The following TSPAN18 variants were observed in gnomAD, a reference collection of about 807,000 sequenced individuals.
TSPAN18 encodes tetraspanin 18.
TSPAN18 carries 14 observed loss-of-function variants against 27.3 expected under a neutral mutation model. That is an observed-to-expected ratio of 0.51 (90% CI 0.34 to 0.80). The LOEUF (loss-of-function observed/expected upper bound fraction) is 0.80. Among genes scored for constraint, TSPAN18 ranks in the 30% least tolerant of loss-of-function variants. The pLI, the probability that TSPAN18 is intolerant of heterozygous loss-of-function variation, is 0.01. For missense variants in TSPAN18, 268 were observed against 323.9 expected (o/e 0.83, Z 1.32); for synonymous variants, 143 against 136.5 (o/e 1.05, Z -0.33).
intron 1 of TSPAN18, among the ~76,000 whole-genome samples, chr11:44,761,424 A>G (rs1231462429): frequency 1.3e-5 from 2 of 152,204 alleles, no homozygotes; most frequent in Admixed American, 6.5e-5. Flanking sequence ...TCTCATGGGC[A>G]AGGGGGAAAA....
chr11:44,861,793 T>TCACACACA lies in TSPAN18; in HGVS notation c.-11+1359_-11+1366dup, dbSNP rs56816197. Among the ~76,000 whole-genome samples, 1,122 of 132,110 alleles carry TCACACACA rather than the reference T, an allele frequency of 8.5e-3. 12 individuals carry two copies. Among genetic ancestry groups the TCACACACA allele is most frequent in the Non-Finnish European group, 0.011 (698 of 62,810 alleles). 86.7% of individuals were successfully genotyped at this position (132,110 alleles called of 152,430 possible). On this transcript the variant is annotated intron_variant, in intron 3 of 9. Transcript: ENST00000520358. ...AATCTAGTATCTGAAAGCCCAAATT[T>TCACACACA]CACACACACACACACACACACACAC...
chr11:44,863,806 A>G (rs1393284601), intron 3 of TSPAN18, among the ~76,000 whole-genome samples: 1 of 152,132 alleles, frequency 6.6e-6, no homozygotes, highest in Non-Finnish European at 1.5e-5. Flanking sequence ...CACTTCTCGT[A>G]AGACTGTGTG....
intron 2 of TSPAN18, among the ~76,000 whole-genome samples, chr11:44,786,350 GA>G (rs1442541877): frequency 6.6e-6 from 1 of 152,222 alleles, no homozygotes; most frequent in East Asian, 1.9e-4. Context: ...GGAGGGGCCA[GA>G]TGGGCTTCTG....
chr11:44,734,396 T>G (rs1854737861), intron 1 of TSPAN18, among the ~76,000 whole-genome samples: 1 of 152,216 alleles, frequency 6.6e-6, no homozygotes. Context: ...TCATCTCTCT[T>G]AGCCTGTCTC....
At chr11:44,739,692 T>C (rs1261899776) in intron 1 of TSPAN18, among the ~76,000 whole-genome samples, 5 of 152,140 alleles carry the variant, frequency 3.3e-5, no homozygotes, top group Admixed American at 2.0e-4. Flanking sequence ...AAGAGTAACA[T>C]AGCAAGAGAA....
intron 3 of TSPAN18, among the ~76,000 whole-genome samples, chr11:44,897,353 C>T (rs1859096797): frequency 6.6e-6 from 1 of 152,174 alleles, no homozygotes; most frequent in African/African-American, 2.4e-5. Flanking sequence ...CAGGGCCCTG[C>T]TGGCACTCTC....
chr11:44,904,047 T>C (rs571989345), intron 3 of TSPAN18, among the ~76,000 whole-genome samples: 12 of 152,218 alleles, frequency 7.9e-5, no homozygotes, highest in Admixed American at 7.9e-4. Flanking sequence ...AAAACCCTGA[T>C]TTCCCATTAC....
chr11:44,867,204 G>A (rs1329460944), intron 3 of TSPAN18, among the ~76,000 whole-genome samples: 1 of 151,916 alleles, frequency 6.6e-6, no homozygotes, highest in Non-Finnish European at 1.5e-5. Context: ...CTTGAGAGTG[G>A]TGAGGCCCGG....
At position 44,932,303 on chromosome 11, in the gene TSPAN18, A is replaced by C. The variant is rs1860611166; in HGVS notation, c.*3125A>C. The C allele has an allele frequency of 6.6e-6, 1 of 152,146 alleles. No homozygotes were observed. Among genetic ancestry groups the C allele is most frequent in the African/African-American group, 2.4e-5 (1 of 41,408 alleles). 9.4% of individuals were successfully genotyped at this position (152,146 alleles called of 1,614,324 possible). A position where few individuals can be genotyped will look rare whatever the true frequency, so the allele number is the denominator to read the frequency against. On this transcript the variant is annotated 3_prime_UTR_variant, in exon 10 of 10. Transcript: ENST00000520358. ...TCCTGTGAGACCCCCCTTTTATATG[A>C]TATATCCAGAGGAAGTTTTGTAATA...
chr11:44,853,560 G>A (rs1302138316), intron 2 of TSPAN18, among the ~76,000 whole-genome samples: 2 of 152,066 alleles, frequency 1.3e-5, no homozygotes, highest in Admixed American at 6.6e-5. Flanking sequence ...AACTGCCATC[G>A]TCTCCGTCTT....
chr11:44,861,421 G>A (rs1403956057), intron 3 of TSPAN18, among the ~76,000 whole-genome samples: 1 of 145,392 alleles, frequency 6.9e-6, no homozygotes, highest in Non-Finnish European at 1.5e-5. Context: ...GCTGAGGGAG[G>A]TGGTCGGGGC....
chr11:44,867,946 T>C (rs891901096), intron 3 of TSPAN18, among the ~76,000 whole-genome samples: 1 of 152,108 alleles, frequency 6.6e-6, no homozygotes, highest in Non-Finnish European at 1.5e-5. Flanking sequence ...ATAAAAGGGT[T>C]TATGCAGAGG....
intron 3 of TSPAN18, among the ~76,000 whole-genome samples, chr11:44,894,019 C>T (rs1590642830): frequency 6.6e-6 from 1 of 152,166 alleles, no homozygotes; most frequent in African/African-American, 2.4e-5. Flanking sequence ...TTGAGTGAGT[C>T]CTTGAGGAAG....
intron 3 of TSPAN18, among the ~76,000 whole-genome samples, chr11:44,872,874 CAGGGTGCCTGTGCTTCAGAGG>C (rs1461953181): frequency 6.6e-6 from 1 of 152,168 alleles, no homozygotes; most frequent in African/African-American, 2.4e-5. Context: ...AGCCTGGGCA[CAGGGTGCCTGTGCTTCAGAGG>C]AGATAGATCC....
At chr11:44,740,864 CA>C (rs1444216443) in intron 1 of TSPAN18, among the ~76,000 whole-genome samples, 1 of 152,226 alleles carries the variant, frequency 6.6e-6, no homozygotes, top group African/African-American at 2.4e-5. Context: ...TGGCTCACTG[CA>C]ACTTCTGCCT....
chr11:44,878,999 C>T (rs1419122009), intron 3 of TSPAN18, among the ~76,000 whole-genome samples: 4 of 152,312 alleles, frequency 2.6e-5, no homozygotes, highest in African/African-American at 4.8e-5. Context: ...TTCACAGCCA[C>T]GCGACCTGCG....
chr11:44,922,086 CCAAAGCCCTCTTGCT>C (rs1283519896), intron 8 of TSPAN18, among the ~76,000 whole-genome samples: 1 of 151,504 alleles, frequency 6.6e-6, no homozygotes, highest in Admixed American at 6.6e-5. Context: ...GTCTTTTCCT[CCAAAGCCCTCTTGCT>C]TAAAGCCCAG....
chr11:44,911,805 T>C lies in TSPAN18; in HGVS notation c.258+1906T>C, dbSNP rs374927234. 6.6e-5 allele frequency among the ~76,000 whole-genome samples: 10 copies of C among 152,138 alleles called. No individual in the cohort carries two copies. In the South Asian group the frequency reaches 1.9e-3, roughly 28 times the overall value. ...CCGCCCCAGGACGTCCTCCCTCCCGTGCTATGCGAGGCAGGACTGAGGCCC... is the reference window on the plus strand; with the variant it reads ...CCGCCCCAGGACGTCCTCCCTCCCGCGCTATGCGAGGCAGGACTGAGGCCC... On this transcript the variant is annotated intron_variant, in intron 5 of 9. Coordinates refer to ENST00000520358, the MANE Select transcript of TSPAN18 (RefSeq NM_130783.5).
chr11:44,735,258 G>C (rs974412557), intron 1 of TSPAN18, among the ~76,000 whole-genome samples: 2 of 152,228 alleles, frequency 1.3e-5, no homozygotes, highest in African/African-American at 4.8e-5. Context: ...CGGCTTCTGT[G>C]GTGCAGGGCA....
Sources: gnomAD v4.1 joint callset for allele counts (sites outside exome capture counted in the v4.1 genomes callset) on GRCh38, gnomAD v4.1.1 for gene constraint, MANE v1.5 for transcripts, NCBI Gene and HGNC (gene_info 2026-07-23, HGNC 2026-07-21) for gene names.